The following SLC11A2 variants were observed in gnomAD, a reference collection of about 807,000 sequenced individuals.
SLC11A2 encodes the protein solute carrier family 11 member 2.
A neutral mutation model predicts 68.0 loss-of-function variants in SLC11A2; 38 were observed. The observed-to-expected ratio is 0.56, with a 90% CI of 0.43 to 0.73. The LOEUF (loss-of-function observed/expected upper bound fraction) is 0.73. SLC11A2 is among the 30% of genes least tolerant of loss of function. The probability of loss-of-function intolerance (pLI) is 0.00; values close to 1 mark genes in which losing one functional copy is unlikely to be tolerated. For synonymous variants in SLC11A2, 242 were observed against 250.6 expected (o/e 0.97, Z 0.32); for missense variants, 517 against 690.5 (o/e 0.75, Z 2.82).
rs10602867 is a variant in SLC11A2 at position 51,008,223 on chromosome 12, C to CAGATAGATAGAT, written c.183+241_183+252dup. On this transcript the variant is annotated intron_variant, in intron 3 of 15. Coordinates refer to ENST00000262052, the MANE Select transcript of SLC11A2 (RefSeq NM_000617.3). ...CTGTCTGTAAAAAAGATTAGATAGA[C>CAGATAGATAGAT]AGATAGATAGATAGATAGATAGATA... 3.5e-4 allele frequency: 126 copies of CAGATAGATAGAT among 359,682 alleles called. 1 individual carries two copies. Among genetic ancestry groups the CAGATAGATAGAT allele is most frequent in the African/African-American group, 1.5e-3 (65 of 44,718 alleles). 22.3% of individuals were successfully genotyped at this position (359,682 alleles called of 1,614,324 possible). A position where few individuals can be genotyped will look rare whatever the true frequency, so the allele number is the denominator to read the frequency against.
chr12:51,019,153 A>G (rs886768315), intron 1 of SLC11A2, among the ~76,000 whole-genome samples: 9 of 152,238 alleles, frequency 5.9e-5, no homozygotes, highest in Admixed American at 2.0e-4. Context: ...GGCACTGTTC[A>G]GTGCCAGAGA....
At chr12:50,994,214 T>C (rs996419574) in intron 11 of SLC11A2, among the ~76,000 whole-genome samples, 42 of 151,958 alleles carry the variant, frequency 2.8e-4, no homozygotes, top group African/African-American at 1.0e-3. Context: ...CTAATTTTTG[T>C]ATTTTTGTTT....
chr12:50,963,389 A>AAAAG, the SLC11A2 span, among the ~76,000 whole-genome samples: 2 of 134,502 alleles, frequency 1.5e-5, no homozygotes, highest in African/African-American at 2.9e-5. Context: ...AAAAAAAAAA[A>AAAAG]AAAAGAAAAG....
intron 10 of SLC11A2, among the ~76,000 whole-genome samples, chr12:50,995,314 A>C (rs181033627): frequency 6.6e-6 from 1 of 152,336 alleles, no homozygotes; most frequent in Non-Finnish European, 1.5e-5. Flanking sequence ...GTCTCAAAAA[A>C]AACACTACAT....
intron 6 of SLC11A2, chr12:50,999,705 T>C (rs954569621): frequency 2.1e-5 from 9 of 435,368 alleles, no homozygotes; most frequent in African/African-American, 1.0e-4. Context: ...TAGGATTAGA[T>C]AGATAGTATC....
the SLC11A2 span, among the ~76,000 whole-genome samples, chr12:50,955,414 TTA>T: frequency 6.6e-6 from 1 of 152,334 alleles, no homozygotes; most frequent in Non-Finnish European, 1.5e-5. Flanking sequence ...AGCACCAATA[TTA>T]TGTTTTGAAG....
rs777327079 is a variant in SLC11A2 at position 51,005,439 on chromosome 12, G to A, written c.184-3C>T. On this transcript the variant is annotated splice_region_variant and splice_polypyrimidine_tract_variant and intron_variant, in intron 3 of 15. Transcript: ENST00000262052. ...TTACGAAAGCTAAAACAAGAGTACT[G>A]TACAAGAGAGGAAAAGAGATTAAAC... 2 of 1,613,468 alleles carry A rather than the reference G, an allele frequency of 1.2e-6. No individual in the cohort carries two copies. Among genetic ancestry groups the A allele is most frequent in the South Asian group, 1.1e-5 (1 of 91,038 alleles).
At chr12:50,961,786 G>A in the SLC11A2 span, among the ~76,000 whole-genome samples, 2 of 152,132 alleles carry the variant, frequency 1.3e-5, no homozygotes, top group Admixed American at 6.6e-5. Flanking sequence ...CCTTCATGAC[G>A]TGCAGAGTGG....
At position 50,987,020 on chromosome 12, in the gene SLC11A2, C is replaced by G. The variant is rs772230183; in HGVS notation, c.*1305G>C. 7.8e-7 allele frequency: 1 copy of G among 1,285,934 alleles called. No individual in the cohort carries two copies. The highest frequency in any genetic ancestry group is 1.2e-5 in the South Asian group (1 of 80,684). The allele number at this position is 1,285,934 out of a possible 1,614,324, so 79.7% of individuals were successfully genotyped here. On this transcript the variant is annotated 3_prime_UTR_variant, in exon 16 of 16. Transcript: ENST00000262052. ...ATAAAACAGTTTTGATTATTTATCT[C>G]CATCAAAGTGATTTGATTTGAGATA... is the stretch of plus-strand genomic sequence containing the variant.
At chr12:50,969,752 T>A in the SLC11A2 span, among the ~76,000 whole-genome samples, 3 of 151,364 alleles carry the variant, frequency 2.0e-5, no homozygotes, top group Non-Finnish European at 4.4e-5. Context: ...AATGAATATA[T>A]GGGTTTCACA....
rs1332133266 is a variant in SLC11A2, at chr12:50,995,532, A to C, written c.990+97T>G. The C allele has an allele frequency of 4.1e-6, 5 of 1,221,582 alleles. No homozygotes were observed. In the Admixed American group the frequency reaches 5.1e-5, roughly 13 times the overall value. The allele number at this position is 1,221,582 out of a possible 1,614,324, so 75.7% of individuals were successfully genotyped here. ...AGAAGCTAGAGATTATTTCTCCTGA[A>C]CATTAACACTAGGATGAGGTATTTT... On this transcript the variant is annotated intron_variant, in intron 10 of 15. Transcript: ENST00000262052.
chr12:51,021,013 C>T (rs191163743), intron 1 of SLC11A2, among the ~76,000 whole-genome samples: 63 of 152,206 alleles, frequency 4.1e-4, no homozygotes, highest in Non-Finnish European at 7.2e-4. Context: ...ATCCCTTGAG[C>T]CCAGGAAGTC....
chr12:50,986,060 A>G lies in SLC11A2; in HGVS notation c.*2265T>C. The G allele has an allele frequency of 1.6e-6, 2 of 1,248,424 alleles. No individual in the cohort carries two copies. The highest frequency in any genetic ancestry group is 1.0e-6 in the Non-Finnish European group (1 of 973,408). The allele number at this position is 1,248,424 out of a possible 1,614,324, so 77.3% of individuals were successfully genotyped here. A position where few individuals can be genotyped will look rare whatever the true frequency, so the allele number is the denominator to read the frequency against. On this transcript the variant is annotated 3_prime_UTR_variant, in exon 16 of 16. Coordinates refer to ENST00000262052, the MANE Select transcript of SLC11A2 (RefSeq NM_000617.3). ...ACGGTTAAATGGTTACTAAAAGCTC[A>G]GTTGTAACCACTCCTAACACCACTA...
chr12:51,005,683 A>G (rs1322916006), intron 3 of SLC11A2: 3 of 1,330,698 alleles, frequency 2.3e-6, no homozygotes, highest in Middle Eastern at 2.0e-4. Flanking sequence ...TTATTCTAAA[A>G]CCAGAATAAC....
rs1356514562 is a variant in SLC11A2 at position 51,026,347 on chromosome 12, C to G, written c.-76G>C. ...GCAACCACCTGACACGCCGCCCCCG[C>G]GCCCAGGGCTCCATATTCCGGGAGC... On this transcript the variant is annotated 5_prime_UTR_variant, in exon 1 of 16. Transcript: ENST00000262052. 7.8e-7 allele frequency: 1 copy of G among 1,281,258 alleles called. No homozygotes were observed. Among genetic ancestry groups the G allele is most frequent in the Non-Finnish European group, 1.0e-6 (1 of 983,868 alleles). The allele number at this position is 1,281,258 out of a possible 1,614,324, so 79.4% of individuals were successfully genotyped here.
At chr12:50,992,439 T>C in intron 12 of SLC11A2, 100 bp from the exon 13 acceptor site, 1 of 1,150,774 alleles carries the variant, frequency 8.7e-7, no homozygotes, top group Non-Finnish European at 1.3e-6. Flanking sequence ...GATTAAGAAG[T>C]GACAAAAGGG....
At chr12:50,992,125 T>C in intron 13 of SLC11A2, 65 bp downstream of exon 13, 1 of 1,532,296 alleles carries the variant, frequency 6.5e-7, no homozygotes, top group East Asian at 2.3e-5. Flanking sequence ...CTAGGCTTGG[T>C]ACCCAAGGGC....
intron 5 of SLC11A2, among the ~76,000 whole-genome samples, chr12:51,002,138 A>C (rs1224185792): frequency 6.6e-6 from 1 of 152,168 alleles, no homozygotes; most frequent in African/African-American, 2.4e-5. Flanking sequence ...ACTTGAGCCC[A>C]GGAGTTCAAG....
chr12:50,959,575 A>G, the SLC11A2 span, among the ~76,000 whole-genome samples: 55 of 152,282 alleles, frequency 3.6e-4, no homozygotes, highest in African/African-American at 1.3e-3. Flanking sequence ...TCTTCTCTAT[A>G]CCAATAAGTT....
Sources: allele counts gnomAD v4.1 joint callset (sites outside exome capture counted in the v4.1 genomes callset), GRCh38; gene constraint gnomAD v4.1.1; transcripts MANE v1.5; gene names NCBI Gene and HGNC (gene_info 2026-07-23, HGNC 2026-07-21).